The following PSME3 variants were observed in gnomAD, a reference collection of about 807,000 sequenced individuals.
The protein encoded by PSME3 is proteasome activator complex subunit 3.
A neutral mutation model predicts 38.3 loss-of-function variants in PSME3; 7 were observed. The observed-to-expected ratio is 0.18, with a 90% CI of 0.10 to 0.34. The LOEUF (loss-of-function observed/expected upper bound fraction) is 0.34, where lower values mean the gene tolerates loss of function less well. PSME3 is among the 10% of genes least tolerant of loss of function. The pLI, the probability that PSME3 is intolerant of heterozygous loss-of-function variation, is 1.00. For missense variants in PSME3, 192 were observed against 307.6 expected, an observed-to-expected ratio of 0.62 and a Z score of 2.81; for synonymous variants, 108 against 105.7, an observed-to-expected ratio of 1.02 and a Z score of -0.13.
intron 4 of PSME3, among the ~76,000 whole-genome samples, chr17:42,836,545 G>A (rs1357694456): frequency 6.6e-6 from 1 of 152,054 alleles, no homozygotes; most frequent in Non-Finnish European, 1.5e-5. Context: ...AATTTGCTTT[G>A]TGGTAAGAAC....
chr17:42,837,588 A>G (rs1374670634), intron 4 of PSME3, 61 bp from the exon 5 acceptor site: 2 of 1,504,608 alleles, frequency 1.3e-6, no homozygotes, highest in South Asian at 1.1e-5. Context: ...CTTGAAGGGT[A>G]TCTTGTGATG....
intron 10 of PSME3, 79 bp from the exon 11 acceptor site, chr17:42,841,419 T>C (rs1337130813): frequency 2.5e-6 from 2 of 801,510 alleles, no homozygotes; most frequent in Non-Finnish European, 1.9e-6. Flanking sequence ...TGCTTGGGGA[T>C]TTGTGAAGGG....
At chr17:42,840,477 G>T (rs11867267) in intron 10 of PSME3, among the ~76,000 whole-genome samples, 1 of 144,588 alleles carries the variant, frequency 6.9e-6, no homozygotes, top group Admixed American at 7.0e-5. Flanking sequence ...CATGGTTGGC[G>T]GACCCCTGTA....
intron 4 of PSME3, among the ~76,000 whole-genome samples, chr17:42,835,724 CAA>C (rs543220645): frequency 2.5e-5 from 3 of 121,942 alleles, no homozygotes; most frequent in Non-Finnish European, 5.4e-5. Flanking sequence ...GACTCTGTCT[CAA>C]AAAAAAAAAA....
At position 42,841,749 on chromosome 17, in the gene PSME3, CTT is replaced by C; in HGVS notation, c.*176_*177del. On this transcript the variant is annotated 3_prime_UTR_variant, in exon 11 of 11. Transcript: ENST00000590720. ...ATCTAGTTCTGTGATGTGTTTACCT[CTT>C]TTTTCAGGCCTCAGGAACTCTTCTA... The C allele has an allele frequency of 2.1e-6, 1 of 481,098 alleles. No homozygotes were observed. The highest frequency in any genetic ancestry group is 3.7e-6 in the Non-Finnish European group (1 of 273,968). 29.8% of individuals were successfully genotyped at this position (481,098 alleles called of 1,614,324 possible).
chr17:42,839,444 T>C, intron 10 of PSME3, 64 bp downstream of exon 10: 1 of 1,366,008 alleles, frequency 7.3e-7, no homozygotes, highest in Non-Finnish European at 1.0e-6. Flanking sequence ...GAGAGTATTG[T>C]TAAAATTCTC....
In PSME3 at chr17:42,839,124, A is replaced by G. The variant is rs2055499402; in HGVS notation, c.555A>G (p.Thr185=). The G allele has an allele frequency of 2.5e-6, 4 of 1,592,208 alleles. No individual in the cohort carries two copies. Among genetic ancestry groups the G allele is most frequent in the Non-Finnish European group, 2.6e-6 (3 of 1,160,202 alleles). The change falls in exon 9 of 11, where the codon ACA becomes ACG. Residue 185 remains threonine, a synonymous_variant. Coordinates refer to ENST00000590720, the MANE Select transcript of PSME3 (RefSeq NM_005789.4). Reference sequence around the variant, plus strand: ...TCTCTCTTTCCAGATATTATATTACAAGAGCCAAATTGGTTTCTAAAATAG... The same window carrying G: ...TCTCTCTTTCCAGATATTATATTACGAGAGCCAAATTGGTTTCTAAAATAG... ...YLDQISRYYI[T]RAKLVSKIAK...
In PSME3 at chr17:42,833,439, G is replaced by A; in HGVS notation, c.-193G>A. ...CGGCGAAAGCCGGGAGGGCGAGCGAGAGAGCAAGCAGGCAGCAGGCTGCCG... is the reference window on the plus strand; with the variant it reads ...CGGCGAAAGCCGGGAGGGCGAGCGAAAGAGCAAGCAGGCAGCAGGCTGCCG... On this transcript the variant is annotated 5_prime_UTR_variant, in exon 1 of 11. Transcript: ENST00000590720. The A allele has an allele frequency of 1.6e-6, 1 of 640,022 alleles. No individual in the cohort carries two copies. Among genetic ancestry groups the A allele is most frequent in the Non-Finnish European group, 2.7e-6 (1 of 369,602 alleles). The allele number at this position is 640,022 out of a possible 1,614,324, so 39.6% of individuals were successfully genotyped here.
intron 6 of PSME3, 91 bp from the exon 7 acceptor site, chr17:42,838,640 T>C: frequency 1.6e-6 from 2 of 1,236,162 alleles, no homozygotes; most frequent in South Asian, 2.5e-5. Flanking sequence ...TTGACTTCTG[T>C]GTTCCTGGCA....
At position 42,834,840 on chromosome 17, in the gene PSME3, C is replaced by A. The variant is rs753354807; in HGVS notation, c.207C>A (p.Pro69=). Residue 69 remains proline (P), a synonymous_variant, in exon 4 of 11, where the codon CCC becomes CCA. Coordinates refer to ENST00000590720, the MANE Select transcript of PSME3 (RefSeq NM_005789.4). ...ACATGAATCTCCCAGTCCCTGACCC[C>A]ATTCTTCTCACCAATAGCCATGATG... is the stretch of plus-strand genomic sequence containing the variant. The part of the protein sequence containing the change: ...HSDMNLPVPD[P]ILLTNSHDGL... The A allele has an allele frequency of 6.2e-7, 1 of 1,614,022 alleles. No homozygotes were observed. Among genetic ancestry groups the A allele is most frequent in the South Asian group, 1.1e-5 (1 of 91,074 alleles).
intron 4 of PSME3, among the ~76,000 whole-genome samples, chr17:42,835,312 C>T (rs2055448778): frequency 6.6e-6 from 1 of 152,038 alleles, no homozygotes; most frequent in Non-Finnish European, 1.5e-5. Flanking sequence ...GCTGGGATTA[C>T]AGGCGTGAGT....
At chr17:42,834,230 C>T (rs1194143779) in intron 1 of PSME3, 114 bp from the exon 2 acceptor site, 5 of 1,584,218 alleles carry the variant, frequency 3.2e-6, no homozygotes, top group African/African-American at 2.7e-5. Flanking sequence ...GTCTGGGGGC[C>T]TCTCAGCTTC....
At chr17:42,840,556 C>T (rs771463861) in intron 10 of PSME3, among the ~76,000 whole-genome samples, 1 of 151,784 alleles carries the variant, frequency 6.6e-6, no homozygotes, top group Non-Finnish European at 1.5e-5. Context: ...TGCAGTGAGC[C>T]GAGATCGTGC....
intron 10 of PSME3, 139 bp downstream of exon 10, chr17:42,839,519 T>A (rs993832808): frequency 8.7e-6 from 6 of 689,348 alleles, no homozygotes; most frequent in African/African-American, 3.6e-5. Flanking sequence ...CACCTGAGTG[T>A]TGAGAACCAT....
chr17:42,837,941 C>T (rs908250618), intron 5 of PSME3, 152 bp from the exon 6 acceptor site: 3 of 900,386 alleles, frequency 3.3e-6, no homozygotes, highest in Non-Finnish European at 5.2e-6. Context: ...TTTTTCCATA[C>T]ATTCTCGTTG....
chr17:42,835,005 A>G, intron 4 of PSME3, 129 bp downstream of exon 4: 2 of 1,323,398 alleles, frequency 1.5e-6, no homozygotes, highest in Non-Finnish European at 2.0e-6. Flanking sequence ...TGTTACAGAC[A>G]TGATGACTCT....
chr17:42,838,689 C>A, intron 6 of PSME3, 42 bp from the exon 7 acceptor site: 1 of 1,582,368 alleles, frequency 6.3e-7, no homozygotes, highest in East Asian at 2.2e-5. Context: ...TTCATGGCTT[C>A]AGCCTTCAGG....
chr17:42,838,033 G>A (rs1222172883), intron 5 of PSME3, 60 bp from the exon 6 acceptor site: 5 of 1,562,894 alleles, frequency 3.2e-6, no homozygotes, highest in African/African-American at 1.4e-5. Flanking sequence ...ATGAGAGAGA[G>A]GCAGGGGATG....
chr17:42,839,670 A>G (rs2055507293), intron 10 of PSME3, among the ~76,000 whole-genome samples: 1 of 152,166 alleles, frequency 6.6e-6, no homozygotes, highest in Non-Finnish European at 1.5e-5. Context: ...ACCTCGAGCA[A>G]ATTGTTCAAG....
Sources: allele counts gnomAD v4.1 joint callset (sites outside exome capture counted in the v4.1 genomes callset), GRCh38; gene constraint gnomAD v4.1.1; transcripts MANE v1.5; gene names NCBI Gene and HGNC (gene_info 2026-07-23, HGNC 2026-07-21).